The following SHANK2 variants were observed in gnomAD, a reference collection of about 807,000 sequenced individuals.
SHANK2 encodes the protein SH3 and multiple ankyrin repeat domains 2, also known as SH3 and multiple ankyrin repeat domains protein 2.
SHANK2 carries 43 observed loss-of-function variants against 133.7 expected under a neutral mutation model. The observed-to-expected ratio is 0.32, with a 90% CI of 0.25 to 0.41. The LOEUF (loss-of-function observed/expected upper bound fraction) is 0.41. Ranked by LOEUF, SHANK2 falls within the 10% of genes least tolerant of loss-of-function variation. The pLI is 1.00. For missense variants in SHANK2, 1,994 were observed against 2,235.8 expected, an observed-to-expected ratio of 0.89 and a Z score of 2.18; for synonymous variants, 1,017 against 952.8, an observed-to-expected ratio of 1.07 and a Z score of -1.24.
chr11:70,528,722 GGAA>G (rs2059430506), intron 17 of SHANK2, among the ~76,000 whole-genome samples: 1 of 151,976 alleles, frequency 6.6e-6, no homozygotes, highest in Non-Finnish European at 1.5e-5. Context: ...CCAGGGGCAT[GGAA>G]GGAAGGAAGC....
chr11:70,810,921 C>T (rs1027463469), intron 12 of SHANK2, among the ~76,000 whole-genome samples: 5 of 152,148 alleles, frequency 3.3e-5, no homozygotes, highest in African/African-American at 4.8e-5. Context: ...GCCGGTGATG[C>T]GACATGGGCG....
Position 70,472,107 on chromosome 11 carries a change from G to GACTA in SHANK2, c.*758_*761dup, listed in dbSNP as rs1295888150. On this transcript the variant is annotated 3_prime_UTR_variant, in exon 26 of 26. Transcript: ENST00000601538. The surrounding 1 kb of genome is among the most constrained non-coding windows in gnomAD (Gnocchi z 4.4). ...TTGTGGAATCGTGACTTTGTGCTTT[G>GACTA]ACTAACTCCATGTGACATCTGCTTG... 1.3e-5 allele frequency: 2 copies of GACTA among 152,824 alleles called. No individual in the cohort carries two copies. Among genetic ancestry groups the GACTA allele is most frequent in the African/African-American group, 4.8e-5 (2 of 41,580 alleles). 9.5% of individuals were successfully genotyped at this position (152,824 alleles called of 1,614,324 possible).
chr11:70,631,404 A>ACCCC (rs1555002171), intron 17 of SHANK2, among the ~76,000 whole-genome samples: 4 of 149,280 alleles, frequency 2.7e-5, no homozygotes, highest in African/African-American at 9.8e-5. Context: ...ACACACACAC[A>ACCCC]CACACCCACA....
At chr11:71,093,047 A>C (rs1294820545) in intron 7 of SHANK2, among the ~76,000 whole-genome samples, 4 of 44,156 alleles carry the variant, frequency 9.1e-5, no homozygotes, top group Non-Finnish European at 1.9e-4. Flanking sequence ...AGTCTCAAAA[A>C]TAAAGGGGGG....
intron 13 of SHANK2, among the ~76,000 whole-genome samples, chr11:70,806,656 C>G (rs919464670): frequency 6.6e-6 from 1 of 152,176 alleles, no homozygotes; most frequent in African/African-American, 2.4e-5. Context: ...CAAAGCCGAC[C>G]CATGCCAGGG....
intron 14 of SHANK2, chr11:70,705,105 GAGAA>G (rs1318765420): frequency 6.6e-6 from 1 of 152,216 alleles, no homozygotes; most frequent in Non-Finnish European, 1.5e-5. Context: ...AGGTGTGAAT[GAGAA>G]AGAAACTTTT....
rs374831041 is a variant in SHANK2 at position 71,144,638 on chromosome 11, T to C, written c.207+2482A>G. ...GAGCTTAGTTTACCCCTAAATGATA[T>C]AGGAAGAGGGGACAGTGAAAAGGGA... On this transcript the variant is annotated intron_variant, in intron 3 of 25. Transcript: ENST00000601538. Among the ~76,000 whole-genome samples, 19 of 152,278 alleles carry C rather than the reference T, an allele frequency of 1.2e-4. No homozygotes were observed. The East Asian group carries it at 2.3e-3, about 19-fold the overall frequency.
intron 3 of SHANK2, among the ~76,000 whole-genome samples, chr11:71,120,329 T>C (rs1279829363): frequency 6.6e-6 from 1 of 152,220 alleles, no homozygotes; most frequent in Non-Finnish European, 1.5e-5. Context: ...ATAATTCACT[T>C]TGTCACTGTC....
chr11:70,797,007 A>G (rs1947928703), intron 14 of SHANK2, among the ~76,000 whole-genome samples: 1 of 152,196 alleles, frequency 6.6e-6, no homozygotes, highest in South Asian at 2.1e-4. Context: ...CATTTCCAGA[A>G]AAGACATGAA....
chr11:71,138,219 C>T (rs1411155750), intron 3 of SHANK2, among the ~76,000 whole-genome samples: 7 of 151,808 alleles, frequency 4.6e-5, no homozygotes, highest in Admixed American at 4.6e-4. Flanking sequence ...AACTAACCAC[C>T]CCTGCACCGG....
intron 2 of SHANK2, among the ~76,000 whole-genome samples, chr11:71,208,719 C>A (rs1476368801): frequency 6.6e-6 from 1 of 152,102 alleles, no homozygotes; most frequent in Non-Finnish European, 1.5e-5. Flanking sequence ...ACTGAATCTC[C>A]AGCCTCAGTT....
intron 17 of SHANK2, among the ~76,000 whole-genome samples, chr11:70,558,305 G>A (rs2059859687): frequency 6.6e-6 from 1 of 152,240 alleles, no homozygotes; most frequent in South Asian, 2.1e-4. Flanking sequence ...CCTGCCCTCT[G>A]GACAATGCCA....
intron 14 of SHANK2, among the ~76,000 whole-genome samples, chr11:70,732,842 C>A (rs1444778980): frequency 6.6e-6 from 1 of 152,246 alleles, no homozygotes; most frequent in Non-Finnish European, 1.5e-5. Context: ...GCTGCCATTT[C>A]CCTGCAGGGG....
chr11:70,701,176 G>T (rs1555023550), intron 14 of SHANK2, among the ~76,000 whole-genome samples: 1 of 152,028 alleles, frequency 6.6e-6, no homozygotes, highest in Non-Finnish European at 1.5e-5. Context: ...GCGTGTGTGT[G>T]TGTGTGTATT....
intron 11 of SHANK2, chr11:70,863,894 C>A (rs186030119): frequency 2.2e-6 from 1 of 456,534 alleles, no homozygotes; most frequent in Admixed American, 2.4e-5. Context: ...GAGAAACCAG[C>A]CCTGGGACAC....
intron 17 of SHANK2, among the ~76,000 whole-genome samples, chr11:70,554,065 T>C (rs781933298): frequency 7.2e-5 from 11 of 152,224 alleles, no homozygotes; most frequent in Non-Finnish European, 1.3e-4. Context: ...ATGACAACCT[T>C]GCTTTGCCTT....
At chr11:70,602,008 G>A (rs1276891890) in intron 17 of SHANK2, among the ~76,000 whole-genome samples, 2 of 152,312 alleles carry the variant, frequency 1.3e-5, no homozygotes, top group Non-Finnish European at 2.9e-5. Flanking sequence ...TTGGAGGTGG[G>A]GCCTGGCAGG....
Position 70,660,512 on chromosome 11 carries a change from C to T in SHANK2, c.1937-560G>A, listed in dbSNP as rs1260078254. On this transcript the variant is annotated intron_variant, in intron 16 of 25. Transcript: ENST00000601538. ...TCTGTGTGTGACCAGTGTCCCTGGG[C>T]ACTGGCATGTGTGTGTGTGGGTGCT... 2.6e-5 allele frequency among the ~76,000 whole-genome samples: 4 copies of T among 152,330 alleles called. No individual in the cohort carries two copies. In the East Asian group the frequency reaches 7.7e-4, roughly 29 times the overall value.
chr11:70,912,639 C>T (rs1248114718), intron 10 of SHANK2, among the ~76,000 whole-genome samples: 2 of 152,160 alleles, frequency 1.3e-5, no homozygotes, highest in Non-Finnish European at 2.9e-5. Flanking sequence ...TCGTGCACCA[C>T]GATGATACAT....
Sources: allele counts gnomAD v4.1 joint callset (sites outside exome capture counted in the v4.1 genomes callset), GRCh38; gene constraint gnomAD v4.1.1; non-coding constraint Gnocchi (gnomAD v3.1); transcripts MANE v1.5; gene names NCBI Gene and HGNC (gene_info 2026-07-23, HGNC 2026-07-21).